Variants in TMCO5A observed in about 807,000 individuals in gnomAD.
The protein encoded by TMCO5A is transmembrane and coiled-coil domain-containing protein 5A.
A neutral mutation model predicts 42.3 loss-of-function variants in TMCO5A; 34 were observed. That is an observed-to-expected ratio of 0.80 (90% CI 0.61 to 1.07). The LOEUF (loss-of-function observed/expected upper bound fraction) is 1.07. Among genes scored for constraint, TMCO5A ranks in the 50% least tolerant of loss-of-function variants. The pLI is 0.00. For missense variants in TMCO5A, 357 were observed against 327.9 expected (o/e 1.09, Z -0.69); for synonymous variants, 131 against 115.6 (o/e 1.13, Z -0.86).
intron 10 of TMCO5A, among the ~76,000 whole-genome samples, chr15:37,945,182 C>T (rs116825414): frequency 0.016 from 2,497 of 152,220 alleles, 78 homozygotes; most frequent in African/African-American, 0.057. Flanking sequence ...CAATACCACC[C>T]ATGTCCCTGC....
the TMCO5A span, among the ~76,000 whole-genome samples, chr15:38,033,958 C>T: frequency 6.6e-6 from 1 of 152,030 alleles, no homozygotes; most frequent in East Asian, 1.9e-4. Context: ...AACAAAATAC[C>T]CAAGACAAAG....
chr15:38,003,736 G>A, the TMCO5A span, among the ~76,000 whole-genome samples: 3 of 152,074 alleles, frequency 2.0e-5, no homozygotes, highest in Non-Finnish European at 4.4e-5. Flanking sequence ...CAAGGCCCAA[G>A]GACTCTTCAG....
chr15:38,036,536 C>G, the TMCO5A span, among the ~76,000 whole-genome samples: 1 of 151,160 alleles, frequency 6.6e-6, no homozygotes, highest in African/African-American at 2.4e-5. Context: ...ACTCTACACA[C>G]TACACTTCAG....
the TMCO5A span, among the ~76,000 whole-genome samples, chr15:38,017,907 TC>T: frequency 3.3e-5 from 5 of 152,108 alleles, no homozygotes; most frequent in Non-Finnish European, 7.4e-5. Context: ...TCTCATGAGA[TC>T]TGGTTGTTTG....
At chr15:37,963,513 G>A (rs1198292508) in intron 11 of TMCO5A, among the ~76,000 whole-genome samples, 2 of 152,154 alleles carry the variant, frequency 1.3e-5, no homozygotes, top group African/African-American at 2.4e-5. Flanking sequence ...CTGTTGAATA[G>A]AATGTGTATT....
the TMCO5A span, among the ~76,000 whole-genome samples, chr15:38,003,254 T>TCTCTCTCTCTCTCTCCC: frequency 1.3e-5 from 2 of 150,794 alleles, no homozygotes; most frequent in African/African-American, 4.9e-5. Context: ...CTCTGTCTCC[T>TCTCTCTCTCTCTCTCCC]CCCATCACTC....
chr15:37,950,951 C>A (rs1890134379), intron 11 of TMCO5A, 85 bp from the exon 12 acceptor site: 12 of 1,159,634 alleles, frequency 1.0e-5, no homozygotes, highest in Non-Finnish European at 1.3e-5. Context: ...CAATTAGGAG[C>A]CAGATATGCA....
At chr15:37,983,727 T>TTTG in the TMCO5A span, among the ~76,000 whole-genome samples, 1 of 150,266 alleles carries the variant, frequency 6.7e-6, no homozygotes, top group African/African-American at 2.5e-5. Flanking sequence ...CTGTTTTTTT[T>TTTG]TTTGTTTTTT....
At chr15:37,934,942 C>A (rs1383983314) in intron 1 of TMCO5A, among the ~76,000 whole-genome samples, 2 of 152,088 alleles carry the variant, frequency 1.3e-5, no homozygotes, top group Non-Finnish European at 2.9e-5. Context: ...TTGATTATCT[C>A]TATTTCTTTA....
chr15:37,993,652 G>A, the TMCO5A span, among the ~76,000 whole-genome samples: 47 of 152,146 alleles, frequency 3.1e-4, no homozygotes, highest in Non-Finnish European at 5.3e-4. Flanking sequence ...AGTTAATTCA[G>A]CTTTGGGGGA....
At chr15:37,993,657 G>C in the TMCO5A span, among the ~76,000 whole-genome samples, 10 of 152,228 alleles carry the variant, frequency 6.6e-5, no homozygotes, top group Admixed American at 5.9e-4. Context: ...ATTCAGCTTT[G>C]GGGGAGAGCC....
chr15:37,942,281 G>A, intron 9 of TMCO5A, 26 bp downstream of exon 9: 1 of 1,608,140 alleles, frequency 6.2e-7, no homozygotes, highest in Non-Finnish European at 8.5e-7. Flanking sequence ...GGAACATCCT[G>A]GTTTTGGTAG....
chr15:38,016,712 T>C, the TMCO5A span, among the ~76,000 whole-genome samples: 215 of 152,318 alleles, frequency 1.4e-3, 5 homozygotes, highest in South Asian at 0.043. Context: ...AATTATGGAA[T>C]GCTCCTGCTT....
intron 11 of TMCO5A, among the ~76,000 whole-genome samples, chr15:37,962,074 T>G (rs929212888): frequency 6.6e-6 from 1 of 152,132 alleles, no homozygotes; most frequent in African/African-American, 2.4e-5. Flanking sequence ...TACAGTACTA[T>G]GTTGAAGAGG....
chr15:37,965,726 TA>T (rs1030097342), intron 11 of TMCO5A, among the ~76,000 whole-genome samples: 5 of 152,252 alleles, frequency 3.3e-5, no homozygotes, highest in Non-Finnish European at 7.4e-5. Flanking sequence ...TCACCCCAGT[TA>T]AAATGGCTTT....
At chr15:37,998,964 T>A in the TMCO5A span, among the ~76,000 whole-genome samples, 1 of 152,184 alleles carries the variant, frequency 6.6e-6, no homozygotes, top group Non-Finnish European at 1.5e-5. Context: ...TGGAGTGCAA[T>A]GGCATAATCT....
At chr15:37,940,464 C>G (rs1418072251) in intron 6 of TMCO5A, among the ~76,000 whole-genome samples, 3 of 152,118 alleles carry the variant, frequency 2.0e-5, no homozygotes, top group Non-Finnish European at 4.4e-5. Flanking sequence ...GACTTTAGCT[C>G]AAGTATCATC....
At chr15:37,950,710 C>G (rs1421706538) in intron 11 of TMCO5A, among the ~76,000 whole-genome samples, 1 of 152,072 alleles carries the variant, frequency 6.6e-6, no homozygotes, top group East Asian at 1.9e-4. Flanking sequence ...AAACTTATAC[C>G]TTGCTAGAGG....
chr15:37,947,633 A>G (rs1341714092), intron 10 of TMCO5A, 23 bp from the exon 11 acceptor site: 2 of 1,555,678 alleles, frequency 1.3e-6, no homozygotes, highest in East Asian at 2.3e-5. Flanking sequence ...TTGCTTATTT[A>G]TCAATATCCT....
Sources: gnomAD v4.1 joint callset for allele counts (sites outside exome capture counted in the v4.1 genomes callset) on GRCh38, gnomAD v4.1.1 for gene constraint, MANE v1.5 for transcripts, NCBI Gene and HGNC (gene_info 2026-07-23, HGNC 2026-07-21) for gene names.